Variants in CTNNA3 observed in about 807,000 individuals in gnomAD.
CTNNA3 encodes catenin alpha-3.
In CTNNA3, 76 loss-of-function variants were observed where a neutral mutation model predicts 95.7. The ratio of observed to expected loss-of-function variants is 0.79; its 90% confidence interval spans 0.66 to 0.96. The LOEUF is 0.96. Ranked by LOEUF, CTNNA3 falls within the 40% of genes least tolerant of loss-of-function variation. The pLI, the probability that CTNNA3 is intolerant of heterozygous loss-of-function variation, is 0.00. For synonymous variants in CTNNA3, 431 were observed against 374.4 expected, an observed-to-expected ratio of 1.15 and a Z score of -1.74; for missense variants, 1,191 against 1,089.8, an observed-to-expected ratio of 1.09 and a Z score of -1.31.
chr10:66,834,313 C>T (rs1174315815), intron 7 of CTNNA3, among the ~76,000 whole-genome samples: 3 of 152,182 alleles, frequency 2.0e-5, no homozygotes, highest in Non-Finnish European at 4.4e-5. Flanking sequence ...GATATTACGT[C>T]CTAAGGGTCC....
At chr10:67,744,624 A>C (rs955209077) in intron 1 of CTNNA3, among the ~76,000 whole-genome samples, 3 of 151,192 alleles carry the variant, frequency 2.0e-5, no homozygotes, top group African/African-American at 7.3e-5. Context: ...CACCAAAAGC[A>C]ATGGCAACAA....
intron 12 of CTNNA3, among the ~76,000 whole-genome samples, chr10:66,357,756 C>T (rs889184872): frequency 1.3e-5 from 2 of 151,958 alleles, no homozygotes; most frequent in East Asian, 1.9e-4. Context: ...GCTATAAGTA[C>T]GCATGTGTAA....
At chr10:67,300,641 T>C (rs939672251) in intron 5 of CTNNA3, among the ~76,000 whole-genome samples, 7 of 152,214 alleles carry the variant, frequency 4.6e-5, no homozygotes, top group African/African-American at 1.4e-4. Context: ...AATATATTCA[T>C]AGACTATTAA....
intron 5 of CTNNA3, among the ~76,000 whole-genome samples, chr10:67,448,655 T>C (rs1472408673): frequency 6.6e-6 from 1 of 151,530 alleles, no homozygotes; most frequent in Non-Finnish European, 1.5e-5. Context: ...GTACATTTTA[T>C]ACTAAAAGAA....
At chr10:67,210,728 A>T (rs1864105664) in intron 6 of CTNNA3, among the ~76,000 whole-genome samples, 1 of 142,060 alleles carries the variant, frequency 7.0e-6, no homozygotes, top group Non-Finnish European at 1.6e-5. Flanking sequence ...TCCATACTGC[A>T]TATGGGGGGG....
intron 1 of CTNNA3, among the ~76,000 whole-genome samples, chr10:67,725,745 G>C (rs1462131982): frequency 1.3e-5 from 2 of 151,724 alleles, no homozygotes; most frequent in Non-Finnish European, 2.9e-5. Context: ...CTAAATGTTA[G>C]AGGTTGGTTC....
chr10:67,421,349 T>C (rs1845744375), intron 5 of CTNNA3, among the ~76,000 whole-genome samples: 1 of 152,198 alleles, frequency 6.6e-6, no homozygotes, highest in Admixed American at 6.5e-5. Context: ...ACTCACAAAG[T>C]TAATTTCTTA....
intron 5 of CTNNA3, among the ~76,000 whole-genome samples, chr10:67,407,687 C>G (rs1045026402): frequency 6.6e-6 from 1 of 152,160 alleles, no homozygotes; most frequent in Admixed American, 6.5e-5. Context: ...ACCCCAAAAG[C>G]TTCTTAAGGT....
At chr10:66,825,242 A>G (rs1842460245) in intron 7 of CTNNA3, among the ~76,000 whole-genome samples, 1 of 147,740 alleles carries the variant, frequency 6.8e-6, no homozygotes, top group African/African-American at 2.5e-5. Context: ...ATGACAATAT[A>G]TATTATATAA....
intron 5 of CTNNA3, among the ~76,000 whole-genome samples, chr10:67,447,821 C>G (rs1449783917): frequency 6.6e-6 from 1 of 152,124 alleles, no homozygotes; most frequent in African/African-American, 2.4e-5. Flanking sequence ...AGAGACTTTT[C>G]CTGTTTCATT....
At chr10:66,910,911 G>T (rs571897028) in intron 7 of CTNNA3, among the ~76,000 whole-genome samples, 2 of 152,316 alleles carry the variant, frequency 1.3e-5, no homozygotes, top group South Asian at 4.1e-4. Context: ...AGACAGCAAC[G>T]TAAGCAATTT....
intron 7 of CTNNA3, among the ~76,000 whole-genome samples, chr10:66,816,002 A>G (rs1842065027): frequency 6.6e-6 from 1 of 152,218 alleles, no homozygotes; most frequent in African/African-American, 2.4e-5. Context: ...GTGTTTTAAA[A>G]CAAGTACATA....
At chr10:67,337,498 G>A (rs969067685) in intron 5 of CTNNA3, among the ~76,000 whole-genome samples, 3 of 152,278 alleles carry the variant, frequency 2.0e-5, no homozygotes, top group South Asian at 4.2e-4. Context: ...AAAGGATTTG[G>A]AATATTACAT....
intron 11 of CTNNA3, among the ~76,000 whole-genome samples, chr10:66,500,281 C>T (rs1589339876): frequency 6.6e-6 from 1 of 151,960 alleles, no homozygotes; most frequent in African/African-American, 2.4e-5. Flanking sequence ...AAATATATAT[C>T]ATGCTTTAAT....
intron 10 of CTNNA3, among the ~76,000 whole-genome samples, chr10:66,571,814 A>T (rs753678710): frequency 2.0e-5 from 3 of 152,138 alleles, no homozygotes; most frequent in Non-Finnish European, 4.4e-5. Context: ...AAATAAGATA[A>T]ATCTATAATG....
intron 3 of CTNNA3, among the ~76,000 whole-genome samples, chr10:67,598,257 C>T (rs1292942550): frequency 6.6e-6 from 1 of 152,142 alleles, no homozygotes; most frequent in Non-Finnish European, 1.5e-5. Flanking sequence ...CTCCAAACAG[C>T]TCTCCTTGTC....
intron 1 of CTNNA3, among the ~76,000 whole-genome samples, chr10:67,657,641 T>A (rs1225362712): frequency 6.6e-6 from 1 of 151,334 alleles, no homozygotes; most frequent in Non-Finnish European, 1.5e-5. Flanking sequence ...AGGTCAGGAG[T>A]TCGAGACCAG....
At chr10:66,697,479 A>G (rs1847808402) in intron 9 of CTNNA3, among the ~76,000 whole-genome samples, 1 of 151,980 alleles carries the variant, frequency 6.6e-6, no homozygotes, top group Admixed American at 6.6e-5. Context: ...ATGTATGTAT[A>G]TGTGTGTATA....
chr10:66,024,136 CTGGAG>C (rs1382856688), intron 15 of CTNNA3, among the ~76,000 whole-genome samples: 12 of 139,320 alleles, frequency 8.6e-5, no homozygotes, highest in South Asian at 2.3e-4. Flanking sequence ...GTCGCCCAGG[CTGGAG>C]TGCAGCGGCA....
Sources: gnomAD v4.1 joint callset for allele counts (sites outside exome capture counted in the v4.1 genomes callset) on GRCh38, gnomAD v4.1.1 for gene constraint, MANE v1.5 for transcripts, NCBI Gene and HGNC (gene_info 2026-07-23, HGNC 2026-07-21) for gene names.